The following CFDP1 variants were observed in gnomAD, a reference collection of about 807,000 sequenced individuals.
The protein encoded by CFDP1 is heterochromatin-stabilizing protein CFDP1.
In CFDP1, 31 loss-of-function variants were observed where a neutral mutation model predicts 40.1. The observed-to-expected ratio is 0.77, with a 90% CI of 0.58 to 1.04. The LOEUF (loss-of-function observed/expected upper bound fraction) is 1.04, where lower values mean the gene tolerates loss of function less well. CFDP1 is among the 50% of genes least tolerant of loss of function. The probability of loss-of-function intolerance (pLI) is 0.00; values close to 1 mark genes in which losing one functional copy is unlikely to be tolerated. For synonymous variants in CFDP1, 167 were observed against 120.0 expected (o/e 1.39, Z -2.56); for missense variants, 423 against 343.4 (o/e 1.23, Z -1.83).
At chr16:75,315,022 G>A (rs946263264) in intron 5 of CFDP1, among the ~76,000 whole-genome samples, 2 of 152,194 alleles carry the variant, frequency 1.3e-5, no homozygotes, top group African/African-American at 2.4e-5. Flanking sequence ...AAAGTGCAGA[G>A]ATTACAGGTG....
intron 5 of CFDP1, among the ~76,000 whole-genome samples, chr16:75,314,489 G>A (rs1218031627): frequency 6.6e-6 from 1 of 152,118 alleles, no homozygotes; most frequent in African/African-American, 2.4e-5. Context: ...GGAGTTGGGG[G>A]TGGTAGTTGC....
At chr16:75,405,902 G>C (rs893029559) in intron 4 of CFDP1, among the ~76,000 whole-genome samples, 1 of 148,792 alleles carries the variant, frequency 6.7e-6, no homozygotes, top group Non-Finnish European at 1.5e-5. Flanking sequence ...CTGGGTGACA[G>C]AGCAAAACCC....
At chr16:75,369,124 T>G (rs2078735156) in intron 5 of CFDP1, among the ~76,000 whole-genome samples, 1 of 152,174 alleles carries the variant, frequency 6.6e-6, no homozygotes, top group South Asian at 2.1e-4. Flanking sequence ...TATGTGTAAA[T>G]GAGTTGCTCA....
intron 5 of CFDP1, among the ~76,000 whole-genome samples, chr16:75,328,376 G>C (rs959814867): frequency 1.3e-5 from 2 of 149,830 alleles, no homozygotes; most frequent in African/African-American, 2.4e-5. Context: ...CCTGAGGTCA[G>C]GAGTTCGAGA....
At chr16:75,363,093 C>T (rs1364077) in intron 5 of CFDP1, 78,699 of 151,938 alleles carry the variant, frequency 0.52, 21,463 homozygotes, top group Admixed American at 0.64. Context: ...CATTCAGACA[C>T]AAGCGTTAAG....
At chr16:75,414,212 A>T (rs538203241) in intron 2 of CFDP1, among the ~76,000 whole-genome samples, 1 of 151,198 alleles carries the variant, frequency 6.6e-6, no homozygotes, top group East Asian at 1.9e-4. Flanking sequence ...TTTTTTTCTA[A>T]AAAAAAAATG....
chr16:75,331,909 C>T (rs113581769), intron 5 of CFDP1, among the ~76,000 whole-genome samples: 4 of 152,292 alleles, frequency 2.6e-5, no homozygotes, highest in African/African-American at 4.8e-5. Flanking sequence ...AACTCTCACA[C>T]GTTATAGTCC....
intron 4 of CFDP1, among the ~76,000 whole-genome samples, chr16:75,408,305 C>A (rs2079122711): frequency 6.6e-6 from 1 of 151,656 alleles, no homozygotes; most frequent in Non-Finnish European, 1.5e-5. Context: ...CTGGCAGATC[C>A]CATGTTAAAA....
chr16:75,431,660 T>C (rs1209226961), intron 1 of CFDP1, among the ~76,000 whole-genome samples: 3 of 151,742 alleles, frequency 2.0e-5, no homozygotes, highest in African/African-American at 7.3e-5. Flanking sequence ...AAACACTGAA[T>C]ACTGATCTAA....
At chr16:75,306,107 A>C (rs572436249) in intron 5 of CFDP1, among the ~76,000 whole-genome samples, 2 of 152,230 alleles carry the variant, frequency 1.3e-5, no homozygotes, top group African/African-American at 2.4e-5. Context: ...AGGAACTTGG[A>C]AGTTATTTTC....
chr16:75,332,476 G>GTAAAA (rs552824429), intron 5 of CFDP1, among the ~76,000 whole-genome samples: 2,336 of 151,278 alleles, frequency 0.015, 61 homozygotes, highest in African/African-American at 0.053. Flanking sequence ...AAAATAAAAA[G>GTAAAA]TAAAATAAAA....
At chr16:75,331,493 A>C (rs1195819751) in intron 5 of CFDP1, among the ~76,000 whole-genome samples, 1 of 152,194 alleles carries the variant, frequency 6.6e-6, no homozygotes, top group Non-Finnish European at 1.5e-5. Context: ...ACTCATACCC[A>C]CAGTCAAAAT....
At chr16:75,400,902 C>G (rs1208134977) in intron 4 of CFDP1, among the ~76,000 whole-genome samples, 1 of 152,222 alleles carries the variant, frequency 6.6e-6, no homozygotes, top group Admixed American at 6.5e-5. Context: ...CTCATAAAAA[C>G]AGAAAATAGG....
intron 5 of CFDP1, among the ~76,000 whole-genome samples, chr16:75,368,808 C>CT (rs2078733543): frequency 6.6e-6 from 1 of 151,970 alleles, no homozygotes; most frequent in African/African-American, 2.4e-5. Flanking sequence ...CTAATCTGTG[C>CT]ATTTTTTGTA....
Position 75,324,020 on chromosome 16 carries a change from A to G in CFDP1, c.651-18838T>C, listed in dbSNP as rs570736336. Among the ~76,000 whole-genome samples, 14 of 152,354 alleles carry G rather than the reference A, an allele frequency of 9.2e-5. No homozygotes were observed. The South Asian group carries it at 2.9e-3, about 32-fold the overall frequency. ...CCTTGCAGGGTAATGATTAAATGAG[A>G]TATTCATCAACTCAGCCCTTATCGT... On this transcript the variant is annotated intron_variant, in intron 5 of 6. Coordinates refer to ENST00000283882, the MANE Select transcript of CFDP1 (RefSeq NM_006324.3).
At chr16:75,333,704 C>T (rs1038657938) in intron 5 of CFDP1, among the ~76,000 whole-genome samples, 1 of 152,184 alleles carries the variant, frequency 6.6e-6, no homozygotes, top group African/African-American at 2.4e-5. Flanking sequence ...CAGGAAATGG[C>T]TCTGTCAAAT....
At chr16:75,411,038 G>T (rs1188246269) in intron 4 of CFDP1, among the ~76,000 whole-genome samples, 1 of 151,892 alleles carries the variant, frequency 6.6e-6, no homozygotes, top group East Asian at 1.9e-4. Flanking sequence ...GGCCAACATG[G>T]CGAAACCCCA....
chr16:75,335,575 T>TC (rs2078481576), intron 5 of CFDP1, among the ~76,000 whole-genome samples: 1 of 150,260 alleles, frequency 6.7e-6, no homozygotes, highest in African/African-American at 2.5e-5. Flanking sequence ...TTTTTTTTTT[T>TC]AGACGGAGTC....
chr16:75,428,165 A>G lies in CFDP1; in HGVS notation c.64+5124T>C, dbSNP rs200606147. Among the ~76,000 whole-genome samples, 5 of 151,914 alleles carry G rather than the reference A, an allele frequency of 3.3e-5. No individual in the cohort carries two copies. The East Asian group carries it at 7.7e-4, about 23-fold the overall frequency. On this transcript the variant is annotated intron_variant, in intron 1 of 6. Transcript: ENST00000283882. ...TTTTTTTAAGAGGGTTGACGGCTTG[A>G]AACTGTTCATTTTGGTGGAGGTTAC...
Sources: allele counts gnomAD v4.1 joint callset (sites outside exome capture counted in the v4.1 genomes callset), GRCh38; gene constraint gnomAD v4.1.1; transcripts MANE v1.5; gene names NCBI Gene and HGNC (gene_info 2026-07-23, HGNC 2026-07-21).